Variants in SULF1 observed in about 807,000 individuals in gnomAD.
The protein encoded by SULF1 is extracellular sulfatase Sulf-1.
A neutral mutation model predicts 110.5 loss-of-function variants in SULF1; 46 were observed. The observed-to-expected ratio is 0.42, with a 90% confidence interval of 0.33 to 0.53. The LOEUF (loss-of-function observed/expected upper bound fraction) is 0.53, where lower values mean the gene tolerates loss of function less well. SULF1 is among the 20% of genes least tolerant of loss of function. The pLI is 0.12. For synonymous variants in SULF1, 371 were observed against 387.1 expected, an observed-to-expected ratio of 0.96 and a Z score of 0.49; for missense variants, 941 against 1,094.2, an observed-to-expected ratio of 0.86 and a Z score of 1.98.
chr8:69,593,103 T>A, intron 8 of SULF1: 1 of 316,224 alleles, frequency 3.2e-6, no homozygotes, highest in Non-Finnish European at 4.6e-6. Context: ...GAATGTGGTC[T>A]CCTGCAGGCC....
intron 1 of SULF1, among the ~76,000 whole-genome samples, chr8:69,475,885 C>T (rs764456618): frequency 5.9e-5 from 9 of 151,944 alleles, no homozygotes; most frequent in Non-Finnish European, 1.3e-4. Context: ...AGGCATATGC[C>T]GCCTTAGATT....
At chr8:69,591,877 G>A (rs1402371258) in intron 8 of SULF1, among the ~76,000 whole-genome samples, 1 of 152,140 alleles carries the variant, frequency 6.6e-6, no homozygotes, top group Non-Finnish European at 1.5e-5. Context: ...CAGCCAAGTC[G>A]AGTAGTTGTG....
intron 3 of SULF1, among the ~76,000 whole-genome samples, chr8:69,543,593 T>G (rs376302347): frequency 6.6e-6 from 1 of 152,242 alleles, no homozygotes; most frequent in Admixed American, 6.5e-5. Flanking sequence ...ACAATGTATA[T>G]GTACCACATT....
At chr8:69,508,022 CTAAAG>C (rs1415294296) in intron 3 of SULF1, among the ~76,000 whole-genome samples, 2 of 152,016 alleles carry the variant, frequency 1.3e-5, no homozygotes, top group Non-Finnish European at 2.9e-5. Flanking sequence ...TTGGCAGACA[CTAAAG>C]TAAACCTCAG....
At chr8:69,617,952 G>A (rs1295979460) in intron 13 of SULF1, among the ~76,000 whole-genome samples, 3 of 152,136 alleles carry the variant, frequency 2.0e-5, no homozygotes, top group African/African-American at 4.8e-5. Context: ...AAAGACCCAT[G>A]CATCTGAGCT....
At chr8:69,618,031 T>C (rs1809313797) in intron 13 of SULF1, among the ~76,000 whole-genome samples, 1 of 152,174 alleles carries the variant, frequency 6.6e-6, no homozygotes, top group African/African-American at 2.4e-5. Flanking sequence ...CAGTAAGCAG[T>C]TGCTAATGTA....
intron 22 of SULF1, among the ~76,000 whole-genome samples, chr8:69,649,913 G>A (rs557494075): frequency 8.4e-6 from 1 of 119,288 alleles, no homozygotes; most frequent in Non-Finnish European, 1.7e-5. Flanking sequence ...TGAATCATTT[G>A]TTGTTACCAT....
chr8:69,475,825 T>C (rs1248839783), intron 1 of SULF1, among the ~76,000 whole-genome samples: 2 of 152,206 alleles, frequency 1.3e-5, no homozygotes, highest in Non-Finnish European at 2.9e-5. Flanking sequence ...CAATCTAATG[T>C]TCTGATCATT....
rs376608568 is a variant in SULF1, at chr8:69,627,301, A to G, written c.1942A>G (p.Lys648Glu). The G allele has an allele frequency of 1.2e-5, 19 of 1,613,162 alleles. No individual in the cohort carries two copies. The African/African-American group carries it at 2.1e-4, about 18-fold the overall frequency. Residue 648 changes from lysine to glutamate, a missense_variant, in exon 16 of 23, where the codon AAA becomes GAA. Coordinates refer to ENST00000402687, the MANE Select transcript of SULF1 (RefSeq NM_001128205.2). ...GAAGGACCATAAGGCATACATTGAC[A>G]AAGAGGTTAGCCATGGCTATGTGAC... ...AWKDHKAYID[K>E]EIEALQDKIK...
rs191207258 is a variant in SULF1, at chr8:69,548,922, C to A, written c.-133-14617C>A. Among the ~76,000 whole-genome samples the A allele has an allele frequency of 9.6e-4, 146 of 152,240 alleles. 1 individual carries two copies. The highest frequency in any genetic ancestry group is 3.3e-3 in the African/African-American group (137 of 41,528). ...ATCCCCAATGATTGTCACCACCTCC[C>A]CACACACATACACACACACAAACCA... On this transcript the variant is annotated intron_variant, in intron 3 of 22. Transcript: ENST00000402687.
In SULF1 at chr8:69,654,926, A is replaced by G. The variant is rs191336620; in HGVS notation, c.2586-3579A>G. Among the ~76,000 whole-genome samples, 72 of 152,364 alleles carry G rather than the reference A, an allele frequency of 4.7e-4. No homozygotes were observed. In the East Asian group the frequency reaches 0.014, roughly 29 times the overall value. On this transcript the variant is annotated intron_variant, in intron 22 of 22. Transcript: ENST00000402687. ...GAGCTATCTTTGCTCACTTTTGGACATTATGGGCTATAAAATGTGTCCTTT... is the reference window on the plus strand; with the variant it reads ...GAGCTATCTTTGCTCACTTTTGGACGTTATGGGCTATAAAATGTGTCCTTT...
chr8:69,509,132 C>T (rs1215476958), intron 3 of SULF1, among the ~76,000 whole-genome samples: 3 of 152,164 alleles, frequency 2.0e-5, no homozygotes, highest in Admixed American at 1.3e-4. Context: ...TATGAAGCCA[C>T]TCAAACACAA....
chr8:69,475,821 A>T (rs1239757824), intron 1 of SULF1, among the ~76,000 whole-genome samples: 3 of 152,206 alleles, frequency 2.0e-5, no homozygotes, highest in Non-Finnish European at 2.9e-5. Flanking sequence ...GATACAATCT[A>T]ATGTTCTGAT....
intron 2 of SULF1, among the ~76,000 whole-genome samples, chr8:69,496,166 A>G (rs1810340724): frequency 6.6e-6 from 1 of 152,262 alleles, no homozygotes; most frequent in Non-Finnish European, 1.5e-5. Context: ...CTACCTGAGC[A>G]CTTCAGAGCA....
chr8:69,533,067 C>T (rs1158038861), intron 3 of SULF1, among the ~76,000 whole-genome samples: 1 of 152,160 alleles, frequency 6.6e-6, no homozygotes, highest in Non-Finnish European at 1.5e-5. Context: ...CTTATTGCCT[C>T]TAATAGTTTT....
intron 1 of SULF1, among the ~76,000 whole-genome samples, chr8:69,484,863 T>TTCTTCTTC (rs1563459214): frequency 1.1e-5 from 1 of 90,234 alleles, no homozygotes; most frequent in Non-Finnish European, 2.5e-5. Context: ...TCTTCTTCTT[T>TTCTTCTTC]TCTTCCTCCT....
intron 1 of SULF1, among the ~76,000 whole-genome samples, chr8:69,484,871 C>A (rs1809639458): frequency 8.2e-6 from 1 of 121,524 alleles, no homozygotes; most frequent in African/African-American, 3.5e-5. Flanking sequence ...TTTTCTTCCT[C>A]CTCCTCCTCC....
intron 3 of SULF1, among the ~76,000 whole-genome samples, chr8:69,540,076 G>A (rs894127): frequency 0.13 from 20,165 of 152,184 alleles, 1,494 homozygotes; most frequent in Middle Eastern, 0.2. Flanking sequence ...ATGGAGAAAA[G>A]GAGACAGAAT....
chr8:69,616,559 G>A (rs964852773), intron 13 of SULF1, among the ~76,000 whole-genome samples: 1 of 151,806 alleles, frequency 6.6e-6, no homozygotes, highest in African/African-American at 2.4e-5. Context: ...GTGCCACCAT[G>A]CCCAGCTAAT....
Sources: gnomAD v4.1 joint callset for allele counts (sites outside exome capture counted in the v4.1 genomes callset) on GRCh38, gnomAD v4.1.1 for gene constraint, MANE v1.5 for transcripts, NCBI Gene and HGNC (gene_info 2026-07-23, HGNC 2026-07-21) for gene names.